AHNAK2: variants seen among roughly 807,000 people sequenced by gnomAD.
AHNAK2 encodes the protein protein AHNAK2.
AHNAK2 carries 18 observed loss-of-function variants against 30.7 expected under a neutral mutation model. That is an observed-to-expected ratio of 0.59 (90% CI 0.41 to 0.87). The LOEUF is 0.87. Ranked by LOEUF, AHNAK2 falls within the 40% of genes least tolerant of loss-of-function variation. The pLI is 0.00. For missense variants in AHNAK2, 8,604 were observed against 7,373.0 expected, an observed-to-expected ratio of 1.17 and a Z score of -6.11; for synonymous variants, 3,590 against 3,073.8, an observed-to-expected ratio of 1.17 and a Z score of -5.56.
Position 104,944,704 on chromosome 14 carries a change from G to A in AHNAK2, c.10747C>T (p.Leu3583=), listed in dbSNP as rs779717604. Residue 3583 remains leucine (L), a synonymous_variant, in exon 7 of 7, where the codon CTG becomes TTG. Transcript: ENST00000333244. ...GPQIDVKGPK[L]DLKGPKAEVR... is the part of the protein sequence containing the mutation. The stretch of plus-strand genomic sequence containing the variant: ...TCTGCCTTGGGGCCTTTCAGGTCCA[G>A]CTTGGGGCCCTTAACATCTATCTGG... The A allele has an allele frequency of 1.9e-6, 3 of 1,612,904 alleles. No individual in the cohort carries two copies. The South Asian group carries it at 3.3e-5, about 18-fold the overall frequency.
intron 1 of AHNAK2, among the ~76,000 whole-genome samples, chr14:104,967,511 G>A (rs963501915): frequency 6.6e-6 from 1 of 152,184 alleles, no homozygotes; most frequent in African/African-American, 2.4e-5. Context: ...CATGGGGGAA[G>A]GAGGAGGAGA....
rs367959314 is a variant in AHNAK2 at position 104,948,555 on chromosome 14, C to A, written c.6896G>T (p.Arg2299Leu). The change falls in exon 7 of 7, where the codon CGG becomes CTG. Residue 2299 changes from arginine to leucine, a missense_variant. Transcript: ENST00000333244. ...GGCCAGGGACATGTCCCCCTCCAGC[C>A]GCGCACCATCCAGCTTGGCTCCTGG... Reference protein sequence around the residue: ...KAPGAKLDGARLEGDMSLADK... With the variant: ...KAPGAKLDGALLEGDMSLADK... 1 of 1,612,036 alleles carries A rather than the reference C, an allele frequency of 6.2e-7. No homozygotes were observed. Among genetic ancestry groups the A allele is most frequent in the African/African-American group, 1.4e-5 (1 of 73,836 alleles).
rs1460792980 is a variant in AHNAK2 at position 104,954,159 on chromosome 14, G to A, written c.1292C>T (p.Thr431Ile). 5 of 1,610,390 alleles carry A rather than the reference G, an allele frequency of 3.1e-6. No homozygotes were observed. Among genetic ancestry groups the A allele is most frequent in the South Asian group, 2.2e-5 (2 of 91,072 alleles). ...GKTLEGQAQETAVAQRKPRAQ... is the reference protein window; with the variant it reads ...GKTLEGQAQEIAVAQRKPRAQ... ...CCTGGGCTTCCTCTGGGCCACTGCT[G>A]TCTCCTGTGCCTGCCCCTCCAGGGT... The change falls in exon 7 of 7, where the codon ACA becomes ATA. Residue 431 changes from threonine (T) to isoleucine (I), a missense_variant. Physicochemically the swap from Thr to Ile is moderately conservative, Grantham distance 89. Coordinates refer to ENST00000333244, the MANE Select transcript of AHNAK2 (RefSeq NM_138420.4). The surrounding 1 kb of genome is among the most constrained non-coding windows in gnomAD (Gnocchi z 4.3).
intron 1 of AHNAK2, among the ~76,000 whole-genome samples, chr14:104,968,902 G>T (rs545236217): frequency 2.0e-5 from 3 of 152,200 alleles, no homozygotes; most frequent in Non-Finnish European, 4.4e-5. Flanking sequence ...GGCCATGGAG[G>T]CGGGAGCCCT....
In AHNAK2 at chr14:104,950,657, A is replaced by G. The variant is rs191772734; in HGVS notation, c.4794T>C (p.Val1598=). 29,516 of 1,576,824 alleles carry G rather than the reference A, an allele frequency of 0.019. 3,390 individuals carry two copies. The highest frequency in any genetic ancestry group is 0.05 in the Middle Eastern group (297 of 5,962). The change falls in exon 7 of 7, where the codon GTT becomes GTC. Residue 1598 remains valine, a synonymous_variant. Transcript: ENST00000333244. ...CTTTCAGGTCCAGCTTGGGGCCCTT[A>G]ACATCTATCTGGGGCCCCTTGAGGT... ...KVDLKGPQID[V]KGPKLDLKGP...
At chr14:104,976,351 G>A (rs538484883) in intron 1 of AHNAK2, among the ~76,000 whole-genome samples, 2 of 152,292 alleles carry the variant, frequency 1.3e-5, no homozygotes, top group Non-Finnish European at 2.9e-5. Flanking sequence ...CTGGTGTGTC[G>A]GGCAGAGGGC....
At chr14:104,960,151 T>C (rs1477029869) in intron 1 of AHNAK2, among the ~76,000 whole-genome samples, 1 of 152,242 alleles carries the variant, frequency 6.6e-6, no homozygotes, top group Non-Finnish European at 1.5e-5. Context: ...GCAACAATTC[T>C]AACACCATAT....
At chr14:104,964,409 T>C (rs1018161790) in intron 1 of AHNAK2, among the ~76,000 whole-genome samples, 7 of 151,768 alleles carry the variant, frequency 4.6e-5, no homozygotes, top group African/African-American at 1.7e-4. Context: ...GCGCAACCAC[T>C]TGGAAACAGC....
chr14:104,943,477 C>G lies in AHNAK2; in HGVS notation c.11974G>C (p.Asp3992His), dbSNP rs781760299. Residue 3992 changes from aspartate to histidine, a missense_variant, in exon 7 of 7, where the codon GAT (aspartate) becomes CAT (histidine). Physicochemically the swap from Asp to His is moderately conservative, Grantham distance 81 (BLOSUM62 -1). Transcript: ENST00000333244. ...GCCTCCACCTTTGGCGCGGTCACAT[C>G]CACTGATGCCTCCATGGACTTGCCT... ...APGKSMEASV[D>H]VTAPKVEADV... 7 of 1,612,462 alleles carry G rather than the reference C, an allele frequency of 4.3e-6. No individual in the cohort carries two copies. The South Asian group carries it at 7.7e-5, about 18-fold the overall frequency.
Position 104,943,106 on chromosome 14 carries a change from C to T in AHNAK2, c.12345G>A (p.Leu4115=). The T allele has an allele frequency of 6.2e-7, 1 of 1,613,340 alleles. No homozygotes were observed. Among genetic ancestry groups the T allele is most frequent in the Non-Finnish European group, 8.5e-7 (1 of 1,179,626 alleles). Residue 4115 remains leucine (L), a synonymous_variant, in exon 7 of 7, where the codon CTG becomes CTA. Coordinates refer to ENST00000333244, the MANE Select transcript of AHNAK2 (RefSeq NM_138420.4). ...TGTCGGCCAGGGACAGGTCCCCCTC[C>T]AGCTGCACACCATCCAGCTTTGCTC... The part of the protein sequence containing the change: ...APRAKLDGVQ[L]EGDLSLADKD...
In AHNAK2 at chr14:104,952,676, C is replaced by T; in HGVS notation, c.2775G>A (p.Lys925=). ...HLPKVEMPSF[K]MPKVDLKGPQ... ...GGCCCTTGAGGTCCACTTTGGGCAT[C>T]TTGAAACTGGGCATCTCCACTTTGG... The change falls in exon 7 of 7, where the codon AAG becomes AAA. Residue 925 remains lysine, a synonymous_variant. Transcript: ENST00000333244. 1 of 1,612,780 alleles carries T rather than the reference C, an allele frequency of 6.2e-7. No individual in the cohort carries two copies. Among genetic ancestry groups the T allele is most frequent in the Non-Finnish European group, 8.5e-7 (1 of 1,179,630 alleles).
rs372279497 is a variant in AHNAK2, at chr14:104,948,808, C to G, written c.6643G>C (p.Gly2215Arg). Residue 2215 changes from glycine (G) to arginine (R), a missense_variant, in exon 7 of 7, where the codon GGC becomes CGC. Coordinates refer to ENST00000333244, the MANE Select transcript of AHNAK2 (RefSeq NM_138420.4). ...TCCAGGAGTTTCACGTCCACCTGGC[C>G]AGCCTGGACCTTCACGTCGGCGGAA... ...PLSADVKVQAGQVDVKLLEGP... is the reference protein window; with the variant it reads ...PLSADVKVQARQVDVKLLEGP... The G allele has an allele frequency of 3.7e-6, 6 of 1,612,596 alleles. No homozygotes were observed. The highest frequency in any genetic ancestry group is 3.3e-5 in the South Asian group (3 of 91,062).
Position 104,947,199 on chromosome 14 carries a change from A to G in AHNAK2, c.8252T>C (p.Ile2751Thr). Residue 2751 changes from isoleucine to threonine, a missense_variant, in exon 7 of 7, where the codon ATA (isoleucine) becomes ACA (threonine). Transcript: ENST00000333244. ...MPEVDLKGPQ[I>T]DVKGPNVDLK... Reference sequence around the variant, plus strand: ...GTCCACGTTGGGGCCCTTAACATCTATCTGGGGGCCCTTGAGGTCCACTTC... The same window carrying G: ...GTCCACGTTGGGGCCCTTAACATCTGTCTGGGGGCCCTTGAGGTCCACTTC... The G allele has an allele frequency of 2.5e-6, 4 of 1,611,624 alleles. No individual in the cohort carries two copies. Among genetic ancestry groups the G allele is most frequent in the Non-Finnish European group, 3.4e-6 (4 of 1,179,414 alleles).
In AHNAK2 at chr14:104,941,951, G is replaced by C; in HGVS notation, c.13500C>G (p.Pro4500=). The C allele has an allele frequency of 6.2e-7, 1 of 1,613,626 alleles. No homozygotes were observed. The change falls in exon 7 of 7, where the codon CCC becomes CCG. Residue 4500 remains proline, a synonymous_variant. Transcript: ENST00000333244. The part of the protein sequence containing the change: ...APKMEADMSI[P]SMQGDLKTTD... ...TGGTCTTGAGGTCCCCCTGCATGGA[G>C]GGAATGCTCATGTCGGCCTCCATCT...
In AHNAK2 at chr14:104,952,884, A is replaced by G. The variant is rs1200969223; in HGVS notation, c.2567T>C (p.Val856Ala). The change falls in exon 7 of 7, where the codon GTG (valine) becomes GCG (alanine). Residue 856 changes from valine to alanine, a missense_variant. Transcript: ENST00000333244. ...CTCCACCTTCGGCGCAGACACATCC[A>G]CCGAGTCCTCCATGGACTTGCCTGG... Reference protein sequence around the residue: ...SAPGKSMEDSVDVSAPKVEAD... With the variant: ...SAPGKSMEDSADVSAPKVEAD... 2 of 1,611,442 alleles carry G rather than the reference A, an allele frequency of 1.2e-6. No individual in the cohort carries two copies. Among genetic ancestry groups the G allele is most frequent in the Non-Finnish European group, 1.7e-6 (2 of 1,179,268 alleles).
chr14:104,942,636 C>G lies in AHNAK2; in HGVS notation c.12815G>C (p.Gly4272Ala), dbSNP rs377669889. ...CAGCCGCACACTGTCCAGCTTGGCT[C>G]CCGGGGCCTCGACGTCCACCTCCAT... The part of the protein sequence containing the change: ...PSMEVDVEAP[G>A]AKLDSVRLEG... Residue 4272 changes from glycine (G) to alanine (A), a missense_variant, in exon 7 of 7, where the codon GGA becomes GCA. Transcript: ENST00000333244. 1.5e-5 allele frequency: 24 copies of G among 1,613,270 alleles called. No homozygotes were observed. In the African/African-American group the frequency reaches 2.9e-4, roughly 20 times the overall value.
Position 104,952,037 on chromosome 14 carries a change from G to C in AHNAK2, c.3414C>G (p.Ala1138=), listed in dbSNP as rs756778771. The C allele has an allele frequency of 1.4e-5, 22 of 1,612,210 alleles. No homozygotes were observed. Among genetic ancestry groups the C allele is most frequent in the Non-Finnish European group, 1.9e-5 (22 of 1,179,434 alleles). The change falls in exon 7 of 7, where the codon GCC becomes GCG. Residue 1138 remains alanine, a synonymous_variant. Coordinates refer to ENST00000333244, the MANE Select transcript of AHNAK2 (RefSeq NM_138420.4). ...CCTCCAGCCGCGCACTGTCCAGCTT[G>C]GCTCCCGGGGCCTCGACGTCCACCT... ...SVEVDVEAPG[A]KLDSARLEGE...
chr14:104,966,222 C>T lies in AHNAK2; in HGVS notation c.56-8550G>A, dbSNP rs1899298221. On this transcript the variant is annotated intron_variant, in intron 1 of 6. Transcript: ENST00000333244. The surrounding 1 kb of genome is among the most constrained non-coding windows in gnomAD (Gnocchi z 4.3). ...ATCAACACTCACCCCCACGTCATCC[C>T]GGCCCCGCCACCTTCCTACTGCTCC... is the stretch of plus-strand genomic sequence containing the variant. Among the ~76,000 whole-genome samples the T allele has an allele frequency of 6.6e-6, 1 of 152,096 alleles. No individual in the cohort carries two copies. Among genetic ancestry groups the T allele is most frequent in the Admixed American group, 6.5e-5 (1 of 15,284 alleles).
At position 104,952,704 on chromosome 14, in the gene AHNAK2, A is replaced by T; in HGVS notation, c.2747T>A (p.Leu916Gln). 6.2e-7 allele frequency: 1 copy of T among 1,612,894 alleles called. No homozygotes were observed. The highest frequency in any genetic ancestry group is 8.5e-7 in the Non-Finnish European group (1 of 1,179,636). Residue 916 changes from leucine (L) to glutamine (Q), a missense_variant, in exon 7 of 7, where the codon CTG (leucine) becomes CAG (glutamine). By Grantham distance (113) the Leu-to-Gln change is moderately radical (BLOSUM62 -2). Transcript: ENST00000333244. ...VPEGAGPKVH[L>Q]PKVEMPSFKM... ...GAAACTGGGCATCTCCACTTTGGGCAGGTGCACTTTGGGGCCGGCTCCCTC... is the reference window on the plus strand; with the variant it reads ...GAAACTGGGCATCTCCACTTTGGGCTGGTGCACTTTGGGGCCGGCTCCCTC...
Sources: gnomAD v4.1 joint callset for allele counts (sites outside exome capture counted in the v4.1 genomes callset) on GRCh38, gnomAD v4.1.1 for gene constraint, Gnocchi (gnomAD v3.1) non-coding constraint, MANE v1.5 for transcripts, NCBI Gene and HGNC (gene_info 2026-07-23, HGNC 2026-07-21) for gene names.